Variants in SERPINB7 observed in about 807,000 individuals in gnomAD.
SERPINB7 encodes serpin B7.
SERPINB7 carries 31 observed loss-of-function variants against 37.4 expected under a neutral mutation model. The ratio of observed to expected loss-of-function variants is 0.83; its 90% CI spans 0.62 to 1.12. The LOEUF is 1.12. Ranked by LOEUF, SERPINB7 falls within the 50% of genes most tolerant of loss-of-function variation. The probability of loss-of-function intolerance (pLI) is 0.00; values close to 1 mark genes in which losing one functional copy is unlikely to be tolerated. For synonymous variants in SERPINB7, 163 were observed against 166.1 expected (o/e 0.98, Z 0.14); for missense variants, 521 against 455.3 (o/e 1.14, Z -1.31).
intron 5 of SERPINB7, among the ~76,000 whole-genome samples, chr18:63,797,859 C>T (rs111764145): frequency 5.3e-5 from 8 of 152,322 alleles, no homozygotes; most frequent in East Asian, 1.9e-4. Flanking sequence ...TTATTCTCCC[C>T]GACAAATACA....
intron 1 of SERPINB7, among the ~76,000 whole-genome samples, chr18:63,780,011 G>T (rs1568206120): frequency 6.6e-6 from 1 of 152,004 alleles, no homozygotes; most frequent in Non-Finnish European, 1.5e-5. Context: ...CGTGCAAGCA[G>T]GTTTCTAAAC....
Position 63,796,334 on chromosome 18 carries a change from A to G in SERPINB7, c.405A>G (p.Leu135=). 2 of 1,612,670 alleles carry G rather than the reference A, an allele frequency of 1.2e-6. No individual in the cohort carries two copies. The highest frequency in any genetic ancestry group is 1.7e-6 in the Non-Finnish European group (2 of 1,178,792). Residue 135 remains leucine, a synonymous_variant, in exon 5 of 8, where the codon TTA becomes TTG. Transcript: ENST00000398019. ...AGCGAGTTGACTTTACGAATCATTT[A>G]GAAGACACTAGACGTAATATTAATA... ...KVERVDFTNH[L]EDTRRNINKW...
At chr18:63,754,809 G>A (rs1031322271) in intron 1 of SERPINB7, among the ~76,000 whole-genome samples, 1 of 150,792 alleles carries the variant, frequency 6.6e-6, no homozygotes. Flanking sequence ...TCTAGATCAC[G>A]GACTTTGAAG....
intron 1 of SERPINB7, among the ~76,000 whole-genome samples, chr18:63,762,557 T>G (rs764805429): frequency 2.0e-5 from 3 of 152,208 alleles, no homozygotes; most frequent in Non-Finnish European, 4.4e-5. Context: ...TTGAGGATTC[T>G]AGCTGCAGGC....
At position 63,782,134 on chromosome 18, in the gene SERPINB7, A is replaced by G. The variant is rs112115408; in HGVS notation, c.-18-221A>G. Among the ~76,000 whole-genome samples, 87 of 152,320 alleles carry G rather than the reference A, an allele frequency of 5.7e-4. 1 individual carries two copies. Among genetic ancestry groups the G allele is most frequent in the African/African-American group, 2.1e-3 (86 of 41,572 alleles). ...GAAACAGGCCACTCACAGGCCACTG[A>G]GGACAGAAATGTCCACCAACGAGAA... is the stretch of plus-strand genomic sequence containing the variant. On this transcript the variant is annotated intron_variant, in intron 1 of 7. Transcript: ENST00000398019.
intron 2 of SERPINB7, among the ~76,000 whole-genome samples, chr18:63,783,245 A>G (rs1305591866): frequency 8.0e-6 from 1 of 124,824 alleles, no homozygotes; most frequent in African/African-American, 2.8e-5. Context: ...AAAGAAAGAA[A>G]GAAAGAAAGA....
At chr18:63,801,511 T>C (rs376216359) in intron 7 of SERPINB7, among the ~76,000 whole-genome samples, 41 of 152,202 alleles carry the variant, frequency 2.7e-4, no homozygotes, top group South Asian at 4.1e-4. Context: ...GAGAGTTTAA[T>C]TGATGCAAGG....
intron 1 of SERPINB7, among the ~76,000 whole-genome samples, chr18:63,766,995 T>G (rs1375336205): frequency 6.6e-6 from 1 of 152,168 alleles, no homozygotes; most frequent in South Asian, 2.1e-4. Context: ...ATAAATCCAT[T>G]ACTTTTCTCC....
upstream of SERPINB7, among the ~76,000 whole-genome samples, chr18:63,772,290 A>C (rs1163281864): frequency 6.6e-6 from 1 of 152,090 alleles, no homozygotes; most frequent in Non-Finnish European, 1.5e-5. Flanking sequence ...AAGGCCACTG[A>C]ATTTGCATAT....
intron 6 of SERPINB7, 110 bp from the exon 7 acceptor site, chr18:63,800,756 G>A: frequency 8.3e-7 from 1 of 1,205,666 alleles, no homozygotes; most frequent in Non-Finnish European, 1.2e-6. Context: ...AAATCTGCAG[G>A]GTCAACTGAG....
upstream of SERPINB7, among the ~76,000 whole-genome samples, chr18:63,771,878 G>A (rs1386741492): frequency 6.6e-6 from 1 of 151,106 alleles, no homozygotes; most frequent in African/African-American, 2.4e-5. Flanking sequence ...TGGGAGACAA[G>A]CCCAGAAATG....
upstream of SERPINB7, among the ~76,000 whole-genome samples, chr18:63,771,010 C>A (rs1040890059): frequency 7.0e-6 from 1 of 142,070 alleles, no homozygotes; most frequent in African/African-American, 2.5e-5. Flanking sequence ...AACTGAACTT[C>A]CAAAAGATGT....
At chr18:63,768,761 G>A (rs1011292672) in intron 1 of SERPINB7, among the ~76,000 whole-genome samples, 3 of 152,060 alleles carry the variant, frequency 2.0e-5, no homozygotes, top group Admixed American at 2.0e-4. Context: ...TTCATAGAAT[G>A]TTTCCATCAC....
chr18:63,779,202 T>C (rs1024335642), intron 1 of SERPINB7, among the ~76,000 whole-genome samples: 2 of 152,170 alleles, frequency 1.3e-5, no homozygotes, highest in African/African-American at 4.8e-5. Context: ...ACTTAGTTTA[T>C]TTTTGTTAAT....
intron 6 of SERPINB7, 149 bp downstream of exon 6, chr18:63,798,895 A>G: frequency 2.5e-6 from 2 of 793,444 alleles, no homozygotes; most frequent in Non-Finnish European, 2.0e-6. Flanking sequence ...CAGTTGCTTT[A>G]TAAAGCAAAC....
chr18:63,764,286 TG>T (rs2049169156), intron 1 of SERPINB7, among the ~76,000 whole-genome samples: 1 of 152,246 alleles, frequency 6.6e-6, no homozygotes, highest in Non-Finnish European at 1.5e-5. Flanking sequence ...TACTGTTCTG[TG>T]GGCCTTAGCC....
chr18:63,760,703 G>C (rs1222151121), intron 1 of SERPINB7, among the ~76,000 whole-genome samples: 1 of 152,238 alleles, frequency 6.6e-6, no homozygotes, highest in Admixed American at 6.5e-5. Context: ...TCCAGCAGTG[G>C]CTGAAAGGGG....
chr18:63,797,325 T>A (rs1252145845), intron 5 of SERPINB7, among the ~76,000 whole-genome samples: 9 of 152,198 alleles, frequency 5.9e-5, no homozygotes, highest in African/African-American at 2.2e-4. Flanking sequence ...TGTATAAATT[T>A]TCTTTTTATT....
intron 1 of SERPINB7, among the ~76,000 whole-genome samples, chr18:63,754,018 C>A (rs1449504788): frequency 6.6e-6 from 1 of 152,152 alleles, no homozygotes; most frequent in Non-Finnish European, 1.5e-5. Flanking sequence ...AAACCTGTGG[C>A]TGATGGAACA....
Sources: gnomAD v4.1 joint callset for allele counts (sites outside exome capture counted in the v4.1 genomes callset) on GRCh38, gnomAD v4.1.1 for gene constraint, MANE v1.5 for transcripts, NCBI Gene and HGNC (gene_info 2026-07-23, HGNC 2026-07-21) for gene names.